Variants in ACOT6 observed in about 807,000 individuals in gnomAD.
ACOT6 encodes the protein acyl-CoA thioesterase 6.
A neutral mutation model predicts 12.3 loss-of-function variants in ACOT6; 14 were observed. That is an observed-to-expected ratio of 1.14 (90% CI 0.75 to 1.78). The LOEUF is 1.78. ACOT6 is among the 40% of genes most tolerant of loss of function. The probability of loss-of-function intolerance (pLI) is 0.00; values close to 1 mark genes in which losing one functional copy is unlikely to be tolerated. For synonymous variants in ACOT6, 218 were observed against 231.3 expected, an observed-to-expected ratio of 0.94 and a Z score of 0.52; for missense variants, 523 against 551.8, an observed-to-expected ratio of 0.95 and a Z score of 0.52.
intron 1 of ACOT6, among the ~76,000 whole-genome samples, chr14:73,615,324 T>C (rs1268436946): frequency 7.9e-6 from 1 of 126,878 alleles, no homozygotes; most frequent in Non-Finnish European, 1.6e-5. Flanking sequence ...CAGGTGGAGG[T>C]TGCAGTGAGC....
intron 1 of ACOT6, among the ~76,000 whole-genome samples, chr14:73,615,055 C>T (rs1258975412): frequency 6.9e-6 from 1 of 143,984 alleles, no homozygotes; most frequent in African/African-American, 2.6e-5. Flanking sequence ...CACCGTTGCA[C>T]TCCAGCCTGG....
Position 73,612,557 on chromosome 14 carries a change from T to TC in ACOT6, c.-14dup. 1 of 1,354,820 alleles carries TC rather than the reference T, an allele frequency of 7.4e-7. No homozygotes were observed. Among genetic ancestry groups the TC allele is most frequent in the Non-Finnish European group, 9.6e-7 (1 of 1,040,492 alleles). The allele number at this position is 1,354,820 out of a possible 1,614,324, so 83.9% of individuals were successfully genotyped here. On this transcript the variant is annotated 5_prime_UTR_variant, in exon 1 of 3. Coordinates refer to ENST00000645972, the MANE Select transcript of ACOT6 (RefSeq NM_001365788.1). Reference sequence around the variant, plus strand: ...CTCCGCGGAGCTGGGTCGCCCCTGTTCTACCCAGATTGGGATGGCAGCGAC... The same window carrying TC: ...CTCCGCGGAGCTGGGTCGCCCCTGTTCCTACCCAGATTGGGATGGCAGCGAC...
chr14:73,614,425 A>G (rs757593100), intron 1 of ACOT6, among the ~76,000 whole-genome samples: 3 of 152,028 alleles, frequency 2.0e-5, no homozygotes, highest in Non-Finnish European at 2.9e-5. Context: ...TTTCGCAAGG[A>G]TATAGTAGGA....
chr14:73,615,679 G>A (rs2139998795), intron 1 of ACOT6, among the ~76,000 whole-genome samples: 1 of 152,222 alleles, frequency 6.6e-6, no homozygotes, highest in Middle Eastern at 3.4e-3. Context: ...GTTGCAGTGA[G>A]CCGAGATCGC....
intron 1 of ACOT6, among the ~76,000 whole-genome samples, chr14:73,614,486 T>C (rs921142181): frequency 1.3e-5 from 2 of 151,964 alleles, no homozygotes; most frequent in African/African-American, 2.4e-5. Flanking sequence ...ACACCTGTAA[T>C]CCTAGCACTT....
chr14:73,613,242 T>C (rs2139995930), intron 1 of ACOT6, among the ~76,000 whole-genome samples: 1 of 152,234 alleles, frequency 6.6e-6, no homozygotes, highest in East Asian at 1.9e-4. Context: ...TGGGCTCAAG[T>C]CCTCTCGCCT....
intron 1 of ACOT6, among the ~76,000 whole-genome samples, chr14:73,614,959 TGGTGGTG>T (rs1482625072): frequency 6.7e-6 from 1 of 148,388 alleles, no homozygotes; most frequent in African/African-American, 2.5e-5. Flanking sequence ...TAGCCGGGCA[TGGTGGTG>T]GGTGCCTGTA....
chr14:73,613,004 C>G lies in ACOT6; in HGVS notation c.433C>G (p.Arg145Gly), dbSNP rs1890475327. ...RREPVRAGPVRAALFLPPDEG... is the reference protein window; with the variant it reads ...RREPVRAGPVGAALFLPPDEG... ...CGAGCCGGTGCGCGCGGGCCCGGTG[C>G]GCGCCGCGCTCTTCCTGCCGCCGGA... Residue 145 changes from arginine (R) to glycine (G), a missense_variant, in exon 1 of 3, where the codon CGC becomes GGC. By Grantham distance (125) the Arg-to-Gly change is moderately radical. This residue lies in a region of ACOT6 where 304 missense variants were observed against 274.8 expected (regional missense o/e 1.11). Coordinates refer to ENST00000645972, the MANE Select transcript of ACOT6 (RefSeq NM_001365788.1). 1 of 969,180 alleles carries G rather than the reference C, an allele frequency of 1.0e-6. No homozygotes were observed. Among genetic ancestry groups the G allele is most frequent in the African/African-American group, 1.7e-5 (1 of 57,534 alleles). 60.0% of individuals were successfully genotyped at this position (969,180 alleles called of 1,614,324 possible).
At chr14:73,612,446 C>T (rs1890458145), upstream of ACOT6, 1 of 621,300 alleles carries the variant, frequency 1.6e-6, no homozygotes, top group Non-Finnish European at 2.4e-6. Flanking sequence ...AGCCTGTCCC[C>T]AAGTCCAACC....
intron 2 of ACOT6, 117 bp from the exon 3 acceptor site, chr14:73,619,117 G>A (rs1312059777): frequency 1.9e-5 from 25 of 1,326,736 alleles, no homozygotes; most frequent in Admixed American, 2.5e-5. Flanking sequence ...GTGACAGAGC[G>A]AGACTCCATC....
At chr14:73,619,120 A>G (rs1890588111) in intron 2 of ACOT6, 114 bp from the exon 3 acceptor site, 1 of 1,341,640 alleles carries the variant, frequency 7.5e-7, no homozygotes, top group African/African-American at 1.5e-5. Context: ...ACAGAGCGAG[A>G]CTCCATCTCA....
At chr14:73,616,177 A>G (rs550889109) in intron 1 of ACOT6, among the ~76,000 whole-genome samples, 26 of 152,060 alleles carry the variant, frequency 1.7e-4, no homozygotes, top group Non-Finnish European at 2.9e-4. Context: ...TATGTTGCCC[A>G]GGCTGGTCGT....
Position 73,612,870 on chromosome 14 carries a change from C to A in ACOT6, c.299C>A (p.Thr100Lys). Residue 100 changes from threonine to lysine, a missense_variant, in exon 1 of 3, where the codon ACG becomes AAG. Physicochemically the swap from Thr to Lys is moderately conservative, Grantham distance 78. Coordinates refer to ENST00000645972, the MANE Select transcript of ACOT6 (RefSeq NM_001365788.1). ...LVRLVKRDVR[T>K]PFAVELEVLD... is the part of the protein sequence containing the mutation. The stretch of plus-strand genomic sequence containing the variant: ...CGGCTGGTGAAGCGCGACGTGCGGA[C>A]GCCCTTCGCCGTGGAGCTGGAAGTG... 1.4e-6 allele frequency: 2 copies of A among 1,398,922 alleles called. No homozygotes were observed. Among genetic ancestry groups the A allele is most frequent in the Non-Finnish European group, 1.9e-6 (2 of 1,048,566 alleles). The allele number at this position is 1,398,922 out of a possible 1,614,324, so 86.7% of individuals were successfully genotyped here.
intron 2 of ACOT6, among the ~76,000 whole-genome samples, chr14:73,617,614 T>C (rs995388169): frequency 1.3e-5 from 2 of 152,194 alleles, no homozygotes; most frequent in African/African-American, 4.8e-5. Flanking sequence ...AGTGGCCTTA[T>C]GATTCTGAAT....
At chr14:73,611,522 A>G (rs1019414445), upstream of ACOT6, 3 of 152,198 alleles carry the variant, frequency 2.0e-5, no homozygotes, top group African/African-American at 7.2e-5. Context: ...ACAGGCTGAG[A>G]GTGCCACTTG....
chr14:73,618,325 A>ACTGTATTT (rs1890573970), intron 2 of ACOT6, among the ~76,000 whole-genome samples: 1 of 151,832 alleles, frequency 6.6e-6, no homozygotes, highest in African/African-American at 2.4e-5. Flanking sequence ...GGCACCCCAG[A>ACTGTATTT]ATTCTCTGCC....
upstream of ACOT6, among the ~76,000 whole-genome samples, chr14:73,611,968 A>G (rs1387838326): frequency 4.0e-5 from 6 of 150,946 alleles, no homozygotes; most frequent in Admixed American, 3.3e-4. Flanking sequence ...ATCTCTCTCA[A>G]TCCTTTAGCT....
Position 73,619,453 on chromosome 14 carries a change from G to T in ACOT6, c.880G>T (p.Asp294Tyr). ...ITKSGFLTFMDTWSNPLEEHN... is the reference protein window; with the variant it reads ...ITKSGFLTFMYTWSNPLEEHN... ...TAAGTCAGGATTTCTCACTTTTATG[G>T]ACACTTGGAGCAATCCACTGGAGGA... The change falls in exon 3 of 3, where the codon GAC (aspartate) becomes TAC (tyrosine). Residue 294 changes from aspartate to tyrosine, a missense_variant. Physicochemically the swap from Asp to Tyr is radical, Grantham distance 160. This residue lies in a region of ACOT6 where 219 missense variants were observed against 277.0 expected (regional missense o/e 0.79). Coordinates refer to ENST00000645972, the MANE Select transcript of ACOT6 (RefSeq NM_001365788.1). 1 of 1,614,184 alleles carries T rather than the reference G, an allele frequency of 6.2e-7. No individual in the cohort carries two copies. Among genetic ancestry groups the T allele is most frequent in the East Asian group, 2.2e-5 (1 of 44,884 alleles).
At chr14:73,615,257 G>A (rs533371003) in intron 1 of ACOT6, among the ~76,000 whole-genome samples, 1 of 150,294 alleles carries the variant, frequency 6.7e-6, no homozygotes, top group East Asian at 2.0e-4. Flanking sequence ...CATGGTGGCG[G>A]GCGCCTGTAA....
Sources: allele counts gnomAD v4.1 joint callset (sites outside exome capture counted in the v4.1 genomes callset), GRCh38; gene constraint gnomAD v4.1.1; regional missense constraint gnomAD v4.1.1; transcripts MANE v1.5; gene names NCBI Gene and HGNC (gene_info 2026-07-23, HGNC 2026-07-21).